ZNF69: variants seen among roughly 807,000 people sequenced by gnomAD.
ZNF69 encodes ZNF3.
Under a neutral mutation model 50.9 loss-of-function variants are expected in ZNF69, and 47 were observed. The ratio of observed to expected loss-of-function variants is 0.92; its 90% CI spans 0.73 to 1.18. The LOEUF (loss-of-function observed/expected upper bound fraction) is 1.18. Among genes scored for constraint, ZNF69 ranks in the 50% most tolerant of loss-of-function variants. The pLI is 0.00. For synonymous variants in ZNF69, 216 were observed against 223.1 expected (o/e 0.97, Z 0.29); for missense variants, 717 against 675.1 (o/e 1.06, Z -0.69).
chr19:11,933,780 G>T, the ZNF69 span, among the ~76,000 whole-genome samples: 2 of 145,696 alleles, frequency 1.4e-5, no homozygotes, highest in Non-Finnish European at 3.0e-5. Context: ...AGGAGGCGGA[G>T]CTTGCAGTGA....
In ZNF69 at chr19:11,912,883, A is replaced by G. The variant is rs571586048; in HGVS notation, c.449-526A>G. Among the ~76,000 whole-genome samples the G allele has an allele frequency of 3.4e-4, 52 of 152,364 alleles. 2 individuals are homozygous for G. In the South Asian group the frequency reaches 0.011, roughly 31 times the overall value. Reference sequence around the variant, plus strand: ...GTTTGTAATAACTGTATACTAACAAATGTTATCTTTAAATAATTAAGAAGC... The same window carrying G: ...GTTTGTAATAACTGTATACTAACAAGTGTTATCTTTAAATAATTAAGAAGC... On this transcript the variant is annotated intron_variant, in intron 4 of 4. Transcript: ENST00000340180.
Position 11,903,890 on chromosome 19 carries a change from G to T in ZNF69, c.191-15G>T. On this transcript the variant is annotated splice_polypyrimidine_tract_variant and intron_variant, in intron 2 of 3. Transcript: ENST00000429654. The stretch of plus-strand genomic sequence containing the variant: ...TATACTGCCTCAGGACTATTTTTCT[G>T]TGTCTATATTTTAGGAAAAAGTTGG... 6.2e-7 allele frequency: 1 copy of T among 1,612,380 alleles called. No homozygotes were observed. The highest frequency in any genetic ancestry group is 2.2e-5 in the East Asian group (1 of 44,848).
At position 11,905,071 on chromosome 19, in the gene ZNF69, G is replaced by T. The variant is rs776563649; in HGVS notation, c.674G>T (p.Cys225Phe). 6.2e-7 allele frequency: 1 copy of T among 1,614,158 alleles called. No homozygotes were observed. Among genetic ancestry groups the T allele is most frequent in the Non-Finnish European group, 8.5e-7 (1 of 1,180,032 alleles). The change falls in exon 4 of 4, where the codon TGT becomes TTT. Residue 225 changes from cysteine (C) to phenylalanine (F), a missense_variant. Cys to Phe is a radical substitution (Grantham distance 205). Transcript: ENST00000429654. Reference protein sequence around the residue: ...SGDGPYKCKFCGKAFHCLSLY... With the variant: ...SGDGPYKCKFFGKAFHCLSLY... ...GATGGACCTTATAAATGTAAATTTT[G>T]TGGGAAAGCCTTCCATTGTCTCAGT...
the ZNF69 span, among the ~76,000 whole-genome samples, chr19:11,925,540 A>G: frequency 6.6e-6 from 1 of 152,168 alleles, no homozygotes; most frequent in Non-Finnish European, 1.5e-5. Context: ...CCGCTCCCGC[A>G]GCCCCGCGTC....
At chr19:11,949,046 A>G in the ZNF69 span, 2 of 1,607,798 alleles carry the variant, frequency 1.2e-6, no homozygotes, top group East Asian at 2.2e-5. Flanking sequence ...CAATATGGGG[A>G]AGGCTTATCC....
At chr19:11,975,771 T>G in the ZNF69 span, among the ~76,000 whole-genome samples, 1 of 152,168 alleles carries the variant, frequency 6.6e-6, no homozygotes, top group Non-Finnish European at 1.5e-5. Flanking sequence ...CATCAGTGGA[T>G]ATGTGGGTGG....
At chr19:11,888,364 C>T (rs1181889902) in intron 1 of ZNF69, among the ~76,000 whole-genome samples, 1 of 152,232 alleles carries the variant, frequency 6.6e-6, no homozygotes, top group Non-Finnish European at 1.5e-5. Flanking sequence ...TCCACTTTTT[C>T]TCCTGTTAAA....
chr19:11,908,122 C>G (rs1425464011), downstream of ZNF69, among the ~76,000 whole-genome samples: 1 of 152,192 alleles, frequency 6.6e-6, no homozygotes, highest in Non-Finnish European at 1.5e-5. Context: ...GAAGAGCTAA[C>G]TATCCTAAAT....
At chr19:11,976,555 CAA>C in the ZNF69 span, among the ~76,000 whole-genome samples, 682 of 73,798 alleles carry the variant, frequency 9.2e-3, 4 homozygotes, top group African/African-American at 0.032. Context: ...GACTCTGTCT[CAA>C]AAAAAAAAAA....
chr19:11,947,971 C>A, the ZNF69 span, among the ~76,000 whole-genome samples: 1 of 152,228 alleles, frequency 6.6e-6, no homozygotes, highest in East Asian at 1.9e-4. Flanking sequence ...GATGATATCA[C>A]TGTACTCCAG....
At chr19:11,892,409 C>T (rs1977116954) in intron 1 of ZNF69, among the ~76,000 whole-genome samples, 2 of 151,834 alleles carry the variant, frequency 1.3e-5, no homozygotes, top group South Asian at 4.2e-4. Flanking sequence ...ATGTGATAGC[C>T]ATGAAGTCTT....
chr19:11,894,255 C>T (rs997925262), intron 1 of ZNF69, among the ~76,000 whole-genome samples: 4 of 152,056 alleles, frequency 2.6e-5, no homozygotes, highest in East Asian at 1.9e-4. Context: ...CTGCAAGCTC[C>T]GCCTCCCGGG....
chr19:11,934,919 G>A, the ZNF69 span, among the ~76,000 whole-genome samples: 2 of 147,538 alleles, frequency 1.4e-5, no homozygotes, highest in East Asian at 4.0e-4. Flanking sequence ...GGTGGCTCAC[G>A]CCTGTAATCC....
chr19:11,909,606 C>T (rs927868532), downstream of ZNF69, among the ~76,000 whole-genome samples: 4 of 152,132 alleles, frequency 2.6e-5, no homozygotes, highest in Non-Finnish European at 5.9e-5. Context: ...AGGCCTTCGA[C>T]AAAATTCCAC....
the ZNF69 span, among the ~76,000 whole-genome samples, chr19:11,974,238 C>G: frequency 2.1e-5 from 3 of 145,392 alleles, no homozygotes; most frequent in South Asian, 6.5e-4. Context: ...TTCTTGTTAC[C>G]TAGGCTGGAG....
chr19:11,947,235 T>C, the ZNF69 span: 34 of 1,614,084 alleles, frequency 2.1e-5, no homozygotes, highest in Non-Finnish European at 2.9e-5. Flanking sequence ...AGAGTGGACA[T>C]TGCTGGATAT....
chr19:11,951,309 A>G, the ZNF69 span, among the ~76,000 whole-genome samples: 1 of 147,324 alleles, frequency 6.8e-6, no homozygotes, highest in South Asian at 2.2e-4. Flanking sequence ...GCTCACTGCC[A>G]CCTCCGCCTC....
chr19:11,951,071 A>C, the ZNF69 span, among the ~76,000 whole-genome samples: 1 of 149,694 alleles, frequency 6.7e-6, no homozygotes, highest in Non-Finnish European at 1.5e-5. Flanking sequence ...GAATCGCTTG[A>C]ACCTGGGAGG....
chr19:11,949,245 T>C, the ZNF69 span: 3 of 1,613,638 alleles, frequency 1.9e-6, no homozygotes. Flanking sequence ...CCTTTCGATA[T>C]CATGAAAGGA....
Sources: gnomAD v4.1 joint callset for allele counts (sites outside exome capture counted in the v4.1 genomes callset) on GRCh38, gnomAD v4.1.1 for gene constraint, MANE v1.5 for transcripts, NCBI Gene and HGNC (gene_info 2026-07-23, HGNC 2026-07-21) for gene names.